Variants in RAB11FIP2 observed in about 807,000 individuals in gnomAD.
RAB11FIP2 encodes the protein rab11 family-interacting protein 2.
RAB11FIP2 carries 16 observed loss-of-function variants against 40.9 expected under a neutral mutation model. The observed-to-expected ratio is 0.39, with a 90% CI of 0.26 to 0.59. The LOEUF (loss-of-function observed/expected upper bound fraction) is 0.59. RAB11FIP2 is among the 20% of genes least tolerant of loss of function. The pLI, the probability that RAB11FIP2 is intolerant of heterozygous loss-of-function variation, is 0.53. For missense variants in RAB11FIP2, 532 were observed against 606.2 expected, an observed-to-expected ratio of 0.88 and a Z score of 1.28; for synonymous variants, 228 against 213.7, an observed-to-expected ratio of 1.07 and a Z score of -0.58.
chr10:118,030,135 C>T (rs1846395646), intron 3 of RAB11FIP2, among the ~76,000 whole-genome samples: 1 of 152,128 alleles, frequency 6.6e-6, no homozygotes, highest in African/African-American at 2.4e-5. Flanking sequence ...GCTTCCAATG[C>T]ATTTTTCTCA....
At chr10:118,023,704 G>T (rs1846308143) in intron 3 of RAB11FIP2, among the ~76,000 whole-genome samples, 1 of 152,140 alleles carries the variant, frequency 6.6e-6, no homozygotes, top group South Asian at 2.1e-4. Context: ...TATGTTGTTG[G>T]TGAAAGTCCT....
At chr10:118,020,194 C>G (rs1434313597) in intron 3 of RAB11FIP2, among the ~76,000 whole-genome samples, 1 of 152,104 alleles carries the variant, frequency 6.6e-6, no homozygotes, top group East Asian at 1.9e-4. Flanking sequence ...CAGCCCCACT[C>G]CACAGTCCAA....
At chr10:118,010,129 T>G (rs1221419298) in intron 4 of RAB11FIP2, among the ~76,000 whole-genome samples, 1 of 152,156 alleles carries the variant, frequency 6.6e-6, no homozygotes, top group Middle Eastern at 3.2e-3. Flanking sequence ...CTCAGGAATT[T>G]AATCAAGGCC....
At chr10:118,019,021 T>TA (rs1000855808) in intron 3 of RAB11FIP2, among the ~76,000 whole-genome samples, 109 of 144,948 alleles carry the variant, frequency 7.5e-4, no homozygotes, top group African/African-American at 1.4e-3. Context: ...TTGCAAAGAT[T>TA]AAAAAAAAAA....
intron 4 of RAB11FIP2, among the ~76,000 whole-genome samples, chr10:118,012,722 A>T (rs1846173129): frequency 6.6e-6 from 1 of 152,074 alleles, no homozygotes; most frequent in Admixed American, 6.6e-5. Flanking sequence ...ATAACTCTCT[A>T]AACTGGCAAA....
chr10:118,008,753 A>C lies in RAB11FIP2; in HGVS notation c.*245T>G. 2.1e-6 allele frequency: 1 copy of C among 470,704 alleles called. No homozygotes were observed. Among genetic ancestry groups the C allele is most frequent in the Non-Finnish European group, 3.9e-6 (1 of 258,454 alleles). 29.2% of individuals were successfully genotyped at this position (470,704 alleles called of 1,614,324 possible). A position where few individuals can be genotyped will look rare whatever the true frequency, so the allele number is the denominator to read the frequency against. On this transcript the variant is annotated 3_prime_UTR_variant, in exon 5 of 5. Coordinates refer to ENST00000355624, the MANE Select transcript of RAB11FIP2 (RefSeq NM_014904.3). ...CAGTACCAGCACCTGAGTGAGTCCT[A>C]AGGAACCACTTATTCATTGAGAATC...
chr10:118,018,410 G>A (rs1242376594), intron 3 of RAB11FIP2: 1 of 152,176 alleles, frequency 6.6e-6, no homozygotes, highest in Non-Finnish European at 1.5e-5. Flanking sequence ...GACAGGTTAA[G>A]GAAAATGGTG....
At chr10:118,045,197 A>C (rs557980142) in intron 1 of RAB11FIP2, 6 of 152,514 alleles carry the variant, frequency 3.9e-5, no homozygotes, top group Admixed American at 1.3e-4. Flanking sequence ...ATGTAATTGC[A>C]AATTCAAAGG....
chr10:118,024,992 G>C (rs1238729052), intron 3 of RAB11FIP2, among the ~76,000 whole-genome samples: 19 of 152,168 alleles, frequency 1.2e-4, no homozygotes. Context: ...CCCCAGTTGG[G>C]TGATGCAAGC....
In RAB11FIP2 at chr10:118,046,263, C is replaced by T. The variant is rs181171878; in HGVS notation, c.-100G>A. On this transcript the variant is annotated 5_prime_UTR_variant, in exon 1 of 5. Transcript: ENST00000355624. Reference sequence around the variant, plus strand: ...ATCACTGCATCCTAAGGACACTTAACGGAAACAGGCAGGCTCAGGGCTCCC... The same window carrying T: ...ATCACTGCATCCTAAGGACACTTAATGGAAACAGGCAGGCTCAGGGCTCCC... 39 of 1,053,156 alleles carry T rather than the reference C, an allele frequency of 3.7e-5. No individual in the cohort carries two copies. The African/African-American group carries it at 5.6e-4, about 15-fold the overall frequency. 65.2% of individuals were successfully genotyped at this position (1,053,156 alleles called of 1,614,324 possible). A position where few individuals can be genotyped will look rare whatever the true frequency, so the allele number is the denominator to read the frequency against.
At position 118,008,890 on chromosome 10, in the gene RAB11FIP2, A is replaced by C; in HGVS notation, c.*108T>G. On this transcript the variant is annotated 3_prime_UTR_variant, in exon 5 of 5. Transcript: ENST00000355624. Reference sequence around the variant, plus strand: ...ACTACTCTTCACAATAAAGGAGAATATGTAATGAAACCTGATAGTGTAGTC... The same window carrying C: ...ACTACTCTTCACAATAAAGGAGAATCTGTAATGAAACCTGATAGTGTAGTC... 1.2e-6 allele frequency: 1 copy of C among 864,202 alleles called. No individual in the cohort carries two copies. The highest frequency in any genetic ancestry group is 1.8e-6 in the Non-Finnish European group (1 of 548,148). 53.5% of individuals were successfully genotyped at this position (864,202 alleles called of 1,614,324 possible). A position where few individuals can be genotyped will look rare whatever the true frequency, so the allele number is the denominator to read the frequency against.
chr10:118,042,347 C>CT (rs1234766381), intron 1 of RAB11FIP2, among the ~76,000 whole-genome samples: 1 of 152,068 alleles, frequency 6.6e-6, no homozygotes, highest in Non-Finnish European at 1.5e-5. Flanking sequence ...AAATCATCTA[C>CT]TTTAACATCT....
chr10:118,013,441 T>C (rs1846180273), intron 4 of RAB11FIP2, among the ~76,000 whole-genome samples: 1 of 152,116 alleles, frequency 6.6e-6, no homozygotes, highest in Non-Finnish European at 1.5e-5. Flanking sequence ...GTGTTGGCAC[T>C]AGCATATAAG....
chr10:118,027,517 A>G (rs184038574), intron 3 of RAB11FIP2, among the ~76,000 whole-genome samples: 1 of 152,338 alleles, frequency 6.6e-6, no homozygotes, highest in African/African-American at 2.4e-5. Flanking sequence ...ATACTTCTAG[A>G]AAACAAAATA....
chr10:118,011,861 C>G (rs1252504962), intron 4 of RAB11FIP2, among the ~76,000 whole-genome samples: 2 of 151,968 alleles, frequency 1.3e-5, no homozygotes, highest in Non-Finnish European at 2.9e-5. Context: ...GATTAGTTGA[C>G]TGCTTTATGC....
chr10:118,046,249 C>A lies in RAB11FIP2; in HGVS notation c.-86G>T. 1 of 1,123,244 alleles carries A rather than the reference C, an allele frequency of 8.9e-7. No individual in the cohort carries two copies. 69.6% of individuals were successfully genotyped at this position (1,123,244 alleles called of 1,614,324 possible). A position where few individuals can be genotyped will look rare whatever the true frequency, so the allele number is the denominator to read the frequency against. Reference sequence around the variant, plus strand: ...AGCCTAATTCCTTAATCACTGCATCCTAAGGACACTTAACGGAAACAGGCA... The same window carrying A: ...AGCCTAATTCCTTAATCACTGCATCATAAGGACACTTAACGGAAACAGGCA... On this transcript the variant is annotated 5_prime_UTR_variant, in exon 1 of 5. The change creates a new upstream start codon in the 5' untranslated region. Transcript: ENST00000355624.
chr10:118,040,359 A>G lies in RAB11FIP2; in HGVS notation c.560T>C (p.Ile187Thr). 6.2e-7 allele frequency: 1 copy of G among 1,613,872 alleles called. No homozygotes were observed. The highest frequency in any genetic ancestry group is 8.5e-7 in the Non-Finnish European group (1 of 1,179,754). ...DGTFSDTSSA[I>T]IPSTHMPDAN... ...ATCGGGCATGTGAGTACTTGGAATG[A>G]TTGCAGAAGACGTATCAGAAAATGT... Residue 187 changes from isoleucine to threonine, a missense_variant, in exon 2 of 5, where the codon ATC becomes ACC. Physicochemically the swap from Ile to Thr is moderately conservative, Grantham distance 89. Transcript: ENST00000355624.
In RAB11FIP2 at chr10:118,009,156, C is replaced by G. The variant is rs1456096616; in HGVS notation, c.1381G>C (p.Val461Leu). 1.9e-6 allele frequency: 3 copies of G among 1,613,642 alleles called. No individual in the cohort carries two copies. The highest frequency in any genetic ancestry group is 1.7e-5 in the Admixed American group (1 of 59,994). ...CTCCTAAGGAGTTCTTTGTGTTTCACCAGCTCCTGTAGAACCTCTTCATAG... is the reference window on the plus strand; with the variant it reads ...CTCCTAAGGAGTTCTTTGTGTTTCAGCAGCTCCTGTAGAACCTCTTCATAG... ...LTYEEVLQELVKHKELLRRKD... is the reference protein window; with the variant it reads ...LTYEEVLQELLKHKELLRRKD... Residue 461 changes from valine (V) to leucine (L), a missense_variant, in exon 5 of 5, where the codon GTG becomes CTG. Transcript: ENST00000355624.
intron 3 of RAB11FIP2, among the ~76,000 whole-genome samples, chr10:118,023,130 G>GT (rs1352820114): frequency 5.9e-5 from 9 of 152,256 alleles, no homozygotes; most frequent in Admixed American, 2.6e-4. Flanking sequence ...TACCAACTAG[G>GT]TCTACCAGGA....
Sources: allele counts gnomAD v4.1 joint callset (sites outside exome capture counted in the v4.1 genomes callset), GRCh38; gene constraint gnomAD v4.1.1; transcripts MANE v1.5; gene names NCBI Gene and HGNC (gene_info 2026-07-23, HGNC 2026-07-21).